The following SHISA9 variants were observed in gnomAD, a reference collection of about 807,000 sequenced individuals.
SHISA9 encodes the protein protein shisa-9.
Under a neutral mutation model 38.0 loss-of-function variants are expected in SHISA9, and 13 were observed. The ratio of observed to expected loss-of-function variants is 0.34; its 90% confidence interval spans 0.22 to 0.54. SHISA9 has a LOEUF of 0.54. SHISA9 is among the 20% of genes least tolerant of loss of function. The pLI, the probability that SHISA9 is intolerant of heterozygous loss-of-function variation, is 0.91. For synonymous variants in SHISA9, 275 were observed against 242.0 expected, an observed-to-expected ratio of 1.14 and a Z score of -1.27; for missense variants, 538 against 575.8, an observed-to-expected ratio of 0.93 and a Z score of 0.67.
chr16:13,170,227 A>T (rs1405100196), intron 2 of SHISA9, among the ~76,000 whole-genome samples: 2 of 151,730 alleles, frequency 1.3e-5, no homozygotes, highest in African/African-American at 4.8e-5. Context: ...AAAAGAAAAG[A>T]AAAGTAAAAT....
At chr16:13,025,266 A>G (rs2072906953) in intron 2 of SHISA9, among the ~76,000 whole-genome samples, 1 of 152,178 alleles carries the variant, frequency 6.6e-6, no homozygotes, top group African/African-American at 2.4e-5. Context: ...TGTTTCTTAG[A>G]CCAGCAACGA....
chr16:13,187,875 A>C (rs2050843346), intron 2 of SHISA9, among the ~76,000 whole-genome samples: 1 of 152,144 alleles, frequency 6.6e-6, no homozygotes, highest in Non-Finnish European at 1.5e-5. Context: ...AACCTAGATG[A>C]TGCACAGTGA....
At chr16:12,969,228 C>A (rs530969816) in intron 2 of SHISA9, among the ~76,000 whole-genome samples, 1 of 151,722 alleles carries the variant, frequency 6.6e-6, no homozygotes, top group South Asian at 2.1e-4. Flanking sequence ...GTTTGCTAAT[C>A]TCTATTCTGG....
chr16:13,022,212 C>A (rs2072864354), intron 2 of SHISA9, among the ~76,000 whole-genome samples: 1 of 152,148 alleles, frequency 6.6e-6, no homozygotes, highest in South Asian at 2.1e-4. Flanking sequence ...AGTGCAGTGA[C>A]TCAATCACAG....
chr16:13,180,814 A>C (rs1279952938), intron 2 of SHISA9, among the ~76,000 whole-genome samples: 1 of 152,212 alleles, frequency 6.6e-6, no homozygotes, highest in Non-Finnish European at 1.5e-5. Context: ...GCTAAGTAGG[A>C]TTCTACATTC....
At chr16:13,561,263 T>C in the SHISA9 span, among the ~76,000 whole-genome samples, 1 of 152,184 alleles carries the variant, frequency 6.6e-6, no homozygotes, top group African/African-American at 2.4e-5. Context: ...TAGAAGCGTT[T>C]GGCTTTTTCC....
At chr16:13,408,538 A>G in the SHISA9 span, among the ~76,000 whole-genome samples, 8 of 152,038 alleles carry the variant, frequency 5.3e-5, no homozygotes, top group African/African-American at 1.9e-4. Context: ...AAAATTTAAT[A>G]TTATTATCAA....
At chr16:13,277,723 G>T in the SHISA9 span, among the ~76,000 whole-genome samples, 1 of 151,558 alleles carries the variant, frequency 6.6e-6, no homozygotes, top group African/African-American at 2.4e-5. Context: ...TTCTCCACTT[G>T]GTCGCTGTTG....
chr16:12,989,324 T>C (rs2072354016), intron 2 of SHISA9, among the ~76,000 whole-genome samples: 1 of 151,948 alleles, frequency 6.6e-6, no homozygotes, highest in African/African-American at 2.4e-5. Context: ...ATTACAGGTG[T>C]GCACCACCCT....
At chr16:13,491,899 A>G in the SHISA9 span, among the ~76,000 whole-genome samples, 1 of 110,366 alleles carries the variant, frequency 9.1e-6, no homozygotes, top group Non-Finnish European at 1.7e-5. Flanking sequence ...CTGTTCTTGA[A>G]CTCCTGGGCT....
At chr16:13,358,021 C>A in the SHISA9 span, among the ~76,000 whole-genome samples, 1 of 152,064 alleles carries the variant, frequency 6.6e-6, no homozygotes, top group Non-Finnish European at 1.5e-5. Flanking sequence ...GTGCAGGTCA[C>A]AGGGGATGTG....
chr16:13,025,370 A>G (rs564196296), intron 2 of SHISA9, among the ~76,000 whole-genome samples: 81 of 152,332 alleles, frequency 5.3e-4, no homozygotes, highest in African/African-American at 1.9e-3. Flanking sequence ...GGCAATCTGT[A>G]TTCACAAAGC....
At chr16:13,043,348 G>C (rs2073153259) in intron 2 of SHISA9, among the ~76,000 whole-genome samples, 1 of 152,140 alleles carries the variant, frequency 6.6e-6, no homozygotes, top group African/African-American at 2.4e-5. Flanking sequence ...GGGAAATATT[G>C]TCTAGCTGAA....
chr16:13,011,053 T>A (rs146126546), intron 2 of SHISA9, among the ~76,000 whole-genome samples: 1 of 152,218 alleles, frequency 6.6e-6, no homozygotes, highest in Non-Finnish European at 1.5e-5. Flanking sequence ...AATATTTTTA[T>A]TGAGCACCTA....
the SHISA9 span, among the ~76,000 whole-genome samples, chr16:13,269,807 G>A: frequency 1.3e-5 from 2 of 152,134 alleles, no homozygotes; most frequent in African/African-American, 4.8e-5. Flanking sequence ...TCAGAGAGGT[G>A]ATATAACTTG....
the SHISA9 span, among the ~76,000 whole-genome samples, chr16:13,414,947 TA>T: frequency 6.6e-6 from 1 of 152,112 alleles, no homozygotes; most frequent in Non-Finnish European, 1.5e-5. Context: ...ACAAGATTTA[TA>T]GACAGCAAAA....
At chr16:13,423,490 G>A in the SHISA9 span, among the ~76,000 whole-genome samples, 81 of 152,144 alleles carry the variant, frequency 5.3e-4, 1 homozygote, top group East Asian at 7.7e-4. Context: ...GAGATCCATC[G>A]TTTATCCAAA....
chr16:13,139,458 T>TTC (rs1233098053), intron 2 of SHISA9, among the ~76,000 whole-genome samples: 7 of 134,724 alleles, frequency 5.2e-5, no homozygotes, highest in African/African-American at 2.0e-4. Context: ...CTCTCCCTCT[T>TTC]TCTCTCTCTC....
Position 13,235,979 on chromosome 16 carries a change from C to T in SHISA9, c.*570C>T, listed in dbSNP as rs559037636. The T allele has an allele frequency of 6.6e-6, 1 of 152,176 alleles. No individual in the cohort carries two copies. The highest frequency in any genetic ancestry group is 1.9e-4 in the East Asian group (1 of 5,184). 9.4% of individuals were successfully genotyped at this position (152,176 alleles called of 1,614,324 possible). A position where few individuals can be genotyped will look rare whatever the true frequency, so the allele number is the denominator to read the frequency against. ...TAATTCCAAGAAGTGGTGACGTGGA[C>T]GTAAAATTTTGACGAGCATGAAACA... On this transcript the variant is annotated 3_prime_UTR_variant, in exon 5 of 5. Transcript: ENST00000558583.
Sources: gnomAD v4.1 joint callset for allele counts (sites outside exome capture counted in the v4.1 genomes callset) on GRCh38, gnomAD v4.1.1 for gene constraint, MANE v1.5 for transcripts, NCBI Gene and HGNC (gene_info 2026-07-23, HGNC 2026-07-21) for gene names.